The following CEP192 variants were observed in gnomAD, a reference collection of about 807,000 sequenced individuals.
CEP192 encodes the protein centrosomal protein of 192 kDa.
CEP192 carries 151 observed loss-of-function variants against 271.8 expected under a neutral mutation model. The observed-to-expected ratio is 0.56, with a 90% CI of 0.49 to 0.64. The LOEUF (loss-of-function observed/expected upper bound fraction) is 0.64, where lower values mean the gene tolerates loss of function less well. Ranked by LOEUF, CEP192 falls within the 30% of genes least tolerant of loss-of-function variation. CEP192 has a pLI of 0.00. For synonymous variants in CEP192, 995 were observed against 1,076.5 expected, an observed-to-expected ratio of 0.92 and a Z score of 1.48; for missense variants, 2,910 against 3,020.5, an observed-to-expected ratio of 0.96 and a Z score of 0.86.
At position 13,084,580 on chromosome 18, in the gene CEP192, C is replaced by T. The variant is rs1352430104; in HGVS notation, c.5617-2437C>T. Among the ~76,000 whole-genome samples the T allele has an allele frequency of 3.3e-5, 5 of 152,300 alleles. No individual in the cohort carries two copies. In the East Asian group the frequency reaches 5.8e-4, roughly 18 times the overall value. On this transcript the variant is annotated intron_variant, in intron 30 of 44. Coordinates refer to ENST00000506447, the MANE Select transcript of CEP192 (RefSeq NM_032142.4). ...AAATCCCCCGACCCCTTGTGCTTCC[C>T]GGGTGAGGCAATGCCCCGCCCTGCT... is the stretch of plus-strand genomic sequence containing the variant.
rs2039890732 is a variant in CEP192, at chr18:13,105,115, G to A, written c.7047+36G>A. 2.8e-6 allele frequency: 4 copies of A among 1,452,748 alleles called. No individual in the cohort carries two copies. The East Asian group carries it at 9.1e-5, about 33-fold the overall frequency. The allele number at this position is 1,452,748 out of a possible 1,614,324, so 90.0% of individuals were successfully genotyped here. On this transcript the variant is annotated intron_variant, in intron 40 of 44. Coordinates refer to ENST00000506447, the MANE Select transcript of CEP192 (RefSeq NM_032142.4). ...ATATTTTTTTCCATAGGAACATCAT[G>A]TAAATTGTCCAGGAGTGCCTCATTG...
intron 37 of CEP192, 29 bp downstream of exon 37, chr18:13,099,610 T>G: frequency 8.8e-7 from 1 of 1,133,206 alleles, no homozygotes; most frequent in Non-Finnish European, 1.3e-6. Context: ...TGGTTTTTTT[T>G]TTGAGTGACA....
intron 12 of CEP192, among the ~76,000 whole-genome samples, chr18:13,037,682 T>C (rs1460832163): frequency 1.3e-5 from 2 of 152,224 alleles, no homozygotes; most frequent in Non-Finnish European, 2.9e-5. Flanking sequence ...CAGCCTCCTG[T>C]GTAGCTGGGA....
At chr18:13,101,841 C>T (rs2039720379) in intron 38 of CEP192, among the ~76,000 whole-genome samples, 1 of 152,164 alleles carries the variant, frequency 6.6e-6, no homozygotes, top group Admixed American at 6.5e-5. Flanking sequence ...GTTTTGTGCT[C>T]TCTCCCAGCC....
chr18:13,071,131 C>A lies in CEP192; in HGVS notation c.5267C>A (p.Pro1756His). The A allele has an allele frequency of 6.2e-7, 1 of 1,614,120 alleles. No homozygotes were observed. Among genetic ancestry groups the A allele is most frequent in the East Asian group, 2.2e-5 (1 of 44,878 alleles). Residue 1756 changes from proline (P) to histidine (H), a missense_variant, in exon 28 of 45, where the codon CCT becomes CAT. Coordinates refer to ENST00000506447, the MANE Select transcript of CEP192 (RefSeq NM_032142.4). ...TCTTCAGGAAGTAAACCTCTGTCAC[C>A]TGGACCTTGCTTAGATATTCCATCG... ...VISSGSKPLSPGPCLDIPSIL... is the reference protein window; with the variant it reads ...VISSGSKPLSHGPCLDIPSIL...
chr18:13,118,870 T>G (rs1356878325), intron 44 of CEP192, among the ~76,000 whole-genome samples: 5 of 152,212 alleles, frequency 3.3e-5, no homozygotes, highest in Non-Finnish European at 7.3e-5. Context: ...CAACACTCAC[T>G]CTACAGATTT....
chr18:13,116,538 A>C lies in CEP192; in HGVS notation c.7416+35A>C, dbSNP rs1309510341. The stretch of plus-strand genomic sequence containing the variant: ...AAATATTACTATGGGTTTTGGAAAA[A>C]TACATGCATTCAACTCTGATAACAA... On this transcript the variant is annotated intron_variant, in intron 43 of 44. Coordinates refer to ENST00000506447, the MANE Select transcript of CEP192 (RefSeq NM_032142.4). 1.9e-6 allele frequency: 3 copies of C among 1,551,252 alleles called. No homozygotes were observed. The East Asian group carries it at 6.9e-5, about 36-fold the overall frequency.
At chr18:13,095,754 C>G (rs1034407334) in intron 35 of CEP192, 73 bp downstream of exon 35, 1 of 1,335,876 alleles carries the variant, frequency 7.5e-7, no homozygotes, top group Non-Finnish European at 1.0e-6. Flanking sequence ...GTGCCCATGG[C>G]CTATCCAAGA....
At chr18:13,101,510 G>A (rs77908585) in intron 38 of CEP192, among the ~76,000 whole-genome samples, 4,893 of 152,158 alleles carry the variant, frequency 0.032, 95 homozygotes, top group Middle Eastern at 0.095. Flanking sequence ...AGAGTCCTGC[G>A]ATCATTTATT....
intron 11 of CEP192, among the ~76,000 whole-genome samples, chr18:13,036,833 G>A (rs1293457990): frequency 6.6e-6 from 1 of 152,190 alleles, no homozygotes; most frequent in East Asian, 1.9e-4. Flanking sequence ...AAGCGGTCCT[G>A]GGGCACGCTT....
rs780947368 is a variant in CEP192 at position 13,073,035 on chromosome 18, G to A, written c.5466G>A (p.Gln1822=). The change falls in exon 30 of 45, where the codon CAG becomes CAA. Residue 1822 remains glutamine, a synonymous_variant. Transcript: ENST00000506447. The part of the protein sequence containing the change: ...FQLQNTFGSE[Q]RLTSNCEIRI... The stretch of plus-strand genomic sequence containing the variant: ...TTCAGAACACTTTTGGTTCAGAACA[G>A]CGATTGACCAGTAACTGTGAGATCA... The A allele has an allele frequency of 1.2e-6, 2 of 1,611,246 alleles. No homozygotes were observed. The highest frequency in any genetic ancestry group is 1.7e-6 in the Non-Finnish European group (2 of 1,179,218).
chr18:13,089,033 C>T, intron 32 of CEP192: 1 of 275,422 alleles, frequency 3.6e-6, no homozygotes, highest in Non-Finnish European at 7.3e-6. Flanking sequence ...GAGAAATCTA[C>T]ATTTCAGTTT....
At chr18:13,084,258 A>G (rs1470321591) in intron 30 of CEP192, among the ~76,000 whole-genome samples, 1 of 152,192 alleles carries the variant, frequency 6.6e-6, no homozygotes, top group Non-Finnish European at 1.5e-5. Flanking sequence ...TAGGCATTGC[A>G]GAGCTACGGT....
intron 6 of CEP192, 32 bp from the exon 7 acceptor site, chr18:13,017,156 C>T: frequency 6.6e-7 from 1 of 1,510,174 alleles, no homozygotes; most frequent in South Asian, 1.3e-5. Context: ...TACTTTAAAG[C>T]ATGTCCTGTT....
intron 11 of CEP192, among the ~76,000 whole-genome samples, chr18:13,034,300 GAAGGATGGACT>G (rs1165532267): frequency 2.0e-5 from 3 of 152,078 alleles, no homozygotes; most frequent in Non-Finnish European, 4.4e-5. Context: ...TGGGTGCTGG[GAAGGATGGACT>G]AGATCCAGGG....
intron 44 of CEP192, among the ~76,000 whole-genome samples, chr18:13,123,084 TTTA>T (rs1167974711): frequency 1.3e-5 from 2 of 152,214 alleles, no homozygotes; most frequent in Non-Finnish European, 2.9e-5. Context: ...TGTGATGAAA[TTTA>T]TTAATAATGA....
At chr18:13,025,759 T>G (rs1224837010) in intron 9 of CEP192, among the ~76,000 whole-genome samples, 1 of 152,166 alleles carries the variant, frequency 6.6e-6, no homozygotes, top group Non-Finnish European at 1.5e-5. Context: ...CTATCATTCA[T>G]TTCACTTACA....
rs572603752 is a variant in CEP192, at chr18:13,016,052, A to G, written c.640+604A>G. 1.4e-3 allele frequency among the ~76,000 whole-genome samples: 212 copies of G among 152,208 alleles called. 2 individuals are homozygous for G. Among genetic ancestry groups the G allele is most frequent in the African/African-American group, 4.9e-3 (203 of 41,544 alleles). The stretch of plus-strand genomic sequence containing the variant: ...TGAGCCATCGCGCCTGGCCAGAACC[A>G]TGAAATATTTGGCCTCTGCTCTCGG... On this transcript the variant is annotated intron_variant, in intron 6 of 44. Coordinates refer to ENST00000506447, the MANE Select transcript of CEP192 (RefSeq NM_032142.4).
At chr18:13,094,052 C>T (rs566688719) in intron 34 of CEP192, among the ~76,000 whole-genome samples, 4 of 152,180 alleles carry the variant, frequency 2.6e-5, no homozygotes, top group Non-Finnish European at 4.4e-5. Flanking sequence ...CCCGCAATTT[C>T]AGTTTGCAGA....
Sources: gnomAD v4.1 joint callset for allele counts (sites outside exome capture counted in the v4.1 genomes callset) on GRCh38, gnomAD v4.1.1 for gene constraint, MANE v1.5 for transcripts, NCBI Gene and HGNC (gene_info 2026-07-23, HGNC 2026-07-21) for gene names.